The following SNX29 variants were observed in gnomAD, a reference collection of about 807,000 sequenced individuals.
SNX29 encodes sorting nexin-29.
In SNX29, 78 loss-of-function variants were observed where a neutral mutation model predicts 102.1. The ratio of observed to expected loss-of-function variants is 0.76; its 90% CI spans 0.64 to 0.92. The LOEUF (loss-of-function observed/expected upper bound fraction) is 0.92, where lower values mean the gene tolerates loss of function less well. Ranked by LOEUF, SNX29 falls within the 40% of genes least tolerant of loss-of-function variation. The pLI is 0.00. For synonymous variants in SNX29, 580 were observed against 414.5 expected (o/e 1.40, Z -4.85); for missense variants, 1,280 against 1,061.7 (o/e 1.21, Z -2.86).
chr16:12,562,608 T>G (rs555641862), intron 20 of SNX29, among the ~76,000 whole-genome samples: 114 of 152,288 alleles, frequency 7.5e-4, no homozygotes, highest in Non-Finnish European at 1.0e-3. Flanking sequence ...GGTCGCTGGC[T>G]CTTGAGAGCT....
At chr16:12,479,524 G>A (rs971312121) in intron 19 of SNX29, among the ~76,000 whole-genome samples, 13 of 152,156 alleles carry the variant, frequency 8.5e-5, no homozygotes, top group Non-Finnish European at 4.4e-5. Context: ...GAATACATTT[G>A]TCCTTCATTT....
At chr16:12,530,790 C>T (rs990120850) in intron 20 of SNX29, among the ~76,000 whole-genome samples, 10 of 152,126 alleles carry the variant, frequency 6.6e-5, no homozygotes, top group Non-Finnish European at 1.5e-4. Context: ...TCCTGACCTC[C>T]AGTGATCCAC....
At chr16:12,431,049 A>T (rs4781235) in intron 18 of SNX29, among the ~76,000 whole-genome samples, 1 of 151,900 alleles carries the variant, frequency 6.6e-6, no homozygotes, top group Admixed American at 6.6e-5. Context: ...ACGGAGTTTC[A>T]CCGTGTTGGT....
At chr16:12,328,849 T>TATG in intron 15 of SNX29, among the ~76,000 whole-genome samples, 1 of 152,182 alleles carries the variant, frequency 6.6e-6, no homozygotes, top group Non-Finnish European at 1.5e-5. Flanking sequence ...ATTCTGAGAA[T>TATG]GCTGGCTGAA....
chr16:12,522,364 G>A (rs2090134583), intron 19 of SNX29, among the ~76,000 whole-genome samples: 1 of 152,162 alleles, frequency 6.6e-6, no homozygotes, highest in African/African-American at 2.4e-5. Flanking sequence ...TTCTTGCCAT[G>A]CTCGGGGCCT....
chr16:12,321,556 G>C (rs1333079250), intron 15 of SNX29, among the ~76,000 whole-genome samples: 1 of 152,148 alleles, frequency 6.6e-6, no homozygotes, highest in African/African-American at 2.4e-5. Context: ...GGGGAGGAGT[G>C]CTTTGTTTTT....
intron 15 of SNX29, among the ~76,000 whole-genome samples, chr16:12,320,913 G>T (rs2080910396): frequency 6.6e-6 from 1 of 152,210 alleles, no homozygotes; most frequent in Non-Finnish European, 1.5e-5. Context: ...GATGGCGGCA[G>T]TGTTTAAATG....
At chr16:11,985,524 C>T (rs753814906) in intron 1 of SNX29, among the ~76,000 whole-genome samples, 22 of 152,326 alleles carry the variant, frequency 1.4e-4, no homozygotes, top group Non-Finnish European at 2.6e-4. Flanking sequence ...GCTGTCAACT[C>T]GTCTTTTCTC....
At chr16:12,296,807 T>C (rs989744345) in intron 15 of SNX29, among the ~76,000 whole-genome samples, 1 of 152,264 alleles carries the variant, frequency 6.6e-6, no homozygotes, top group African/African-American at 2.4e-5. Context: ...AACGTGGTTA[T>C]CGCCACTTAA....
intron 20 of SNX29, among the ~76,000 whole-genome samples, chr16:12,526,118 C>T (rs976174624): frequency 3.3e-5 from 5 of 152,188 alleles, no homozygotes. Flanking sequence ...GGGATTGGGA[C>T]TTATTCGAGA....
intron 4 of SNX29, among the ~76,000 whole-genome samples, chr16:12,036,462 G>A (rs932946730): frequency 4.6e-5 from 7 of 150,994 alleles, no homozygotes; most frequent in Admixed American, 1.3e-4. Flanking sequence ...TGCCTCCCAA[G>A]TAGCTGGGAC....
In SNX29 at chr16:12,536,940, C is replaced by T. The variant is rs570134115; in HGVS notation, c.2318+12099C>T. ...GCAGTGAGCCGAGATCACAGCACTG[C>T]ACTCCAGCCTAGGCGACAGAGTGAG... On this transcript the variant is annotated intron_variant, in intron 20 of 20. Transcript: ENST00000566228. Among the ~76,000 whole-genome samples the T allele has an allele frequency of 1.8e-4, 28 of 152,276 alleles. No individual in the cohort carries two copies. The South Asian group carries it at 4.1e-3, about 23-fold the overall frequency.
At chr16:12,035,204 C>CT (rs3971431) in intron 4 of SNX29, among the ~76,000 whole-genome samples, 2,885 of 135,282 alleles carry the variant, frequency 0.021, 73 homozygotes, top group African/African-American at 0.061. Context: ...AGAAATTTCC[C>CT]TTTTTTTTTT....
chr16:12,542,828 T>A (rs979934513), intron 20 of SNX29, among the ~76,000 whole-genome samples: 1 of 151,756 alleles, frequency 6.6e-6, no homozygotes, highest in African/African-American at 2.4e-5. Context: ...TCCTGTAAGG[T>A]GTGTGGACCC....
intron 19 of SNX29, among the ~76,000 whole-genome samples, chr16:12,515,155 C>G (rs2089808892): frequency 1.3e-5 from 2 of 152,142 alleles, no homozygotes; most frequent in African/African-American, 2.4e-5. Flanking sequence ...CCATTCAGAT[C>G]AGGCACCCTG....
chr16:12,068,281 A>G lies in SNX29; in HGVS notation c.1244-776A>G, dbSNP rs536513672. Among the ~76,000 whole-genome samples, 253 of 152,162 alleles carry G rather than the reference A, an allele frequency of 1.7e-3. 1 individual carries two copies. Among genetic ancestry groups the G allele is most frequent in the Non-Finnish European group, 3.1e-3 (212 of 68,006 alleles). On this transcript the variant is annotated intron_variant, in intron 9 of 20. Transcript: ENST00000566228. Reference sequence around the variant, plus strand: ...TGCTTGAGCCCAGGAGTTTGAGACCAGCCTGGGCAACATAGTGGGACCCCC... The same window carrying G: ...TGCTTGAGCCCAGGAGTTTGAGACCGGCCTGGGCAACATAGTGGGACCCCC...
At chr16:12,435,965 C>T (rs958679822) in intron 18 of SNX29, among the ~76,000 whole-genome samples, 8 of 152,168 alleles carry the variant, frequency 5.3e-5, no homozygotes, top group African/African-American at 9.7e-5. Context: ...CGTTACTTCC[C>T]GTAGGCCCAG....
intron 11 of SNX29, among the ~76,000 whole-genome samples, chr16:12,082,565 T>A (rs963144426): frequency 7.2e-5 from 11 of 152,216 alleles, no homozygotes; most frequent in African/African-American, 2.2e-4. Context: ...ACTCAGACAA[T>A]TTTTTAGAAA....
chr16:12,357,874 G>C (rs995781619), intron 16 of SNX29, among the ~76,000 whole-genome samples: 1 of 152,168 alleles, frequency 6.6e-6, no homozygotes, highest in Non-Finnish European at 1.5e-5. Flanking sequence ...CAACCCCTCA[G>C]CTTTGCTGAT....
Sources: allele counts gnomAD v4.1 joint callset (sites outside exome capture counted in the v4.1 genomes callset), GRCh38; gene constraint gnomAD v4.1.1; transcripts MANE v1.5; gene names NCBI Gene and HGNC (gene_info 2026-07-23, HGNC 2026-07-21).